The following MGAT4C variants were observed in gnomAD, a reference collection of about 807,000 sequenced individuals.
MGAT4C encodes alpha-1,3-mannosyl-glycoprotein 4-beta-N-acetylglucosaminyltransferase C.
A neutral mutation model predicts 40.1 loss-of-function variants in MGAT4C; 19 were observed. The observed-to-expected ratio is 0.47, with a 90% CI of 0.33 to 0.70. The LOEUF (loss-of-function observed/expected upper bound fraction) is 0.70, where lower values mean the gene tolerates loss of function less well. Among genes scored for constraint, MGAT4C ranks in the 30% least tolerant of loss-of-function variants. The pLI, the probability that MGAT4C is intolerant of heterozygous loss-of-function variation, is 0.02. For missense variants in MGAT4C, 491 were observed against 563.2 expected, an observed-to-expected ratio of 0.87 and a Z score of 1.30; for synonymous variants, 181 against 187.1, an observed-to-expected ratio of 0.97 and a Z score of 0.27.
At chr12:86,790,864 A>G (rs772600902) in intron 1 of MGAT4C, among the ~76,000 whole-genome samples, 2 of 152,114 alleles carry the variant, frequency 1.3e-5, no homozygotes, top group Non-Finnish European at 2.9e-5. Flanking sequence ...GGGCATCCCT[A>G]TTTTTAAACA....
chr12:86,667,374 T>C (rs1175909597), intron 2 of MGAT4C, among the ~76,000 whole-genome samples: 1 of 152,180 alleles, frequency 6.6e-6, no homozygotes, highest in African/African-American at 2.4e-5. Context: ...GTTTCAGTTT[T>C]AATTTCGAGA....
At chr12:86,562,834 A>G (rs1412657172) in intron 2 of MGAT4C, among the ~76,000 whole-genome samples, 1 of 152,164 alleles carries the variant, frequency 6.6e-6, no homozygotes, top group Non-Finnish European at 1.5e-5. Flanking sequence ...GTTGCATCAA[A>G]TTGAATTTAT....
chr12:86,762,129 G>A (rs1471965205), intron 1 of MGAT4C, among the ~76,000 whole-genome samples: 1 of 151,334 alleles, frequency 6.6e-6, no homozygotes, highest in Non-Finnish European at 1.5e-5. Context: ...ATGGCTCACT[G>A]CAGTCTTAAC....
intron 2 of MGAT4C, among the ~76,000 whole-genome samples, chr12:86,674,414 T>G (rs145611978): frequency 2.6e-5 from 4 of 152,134 alleles, no homozygotes; most frequent in Non-Finnish European, 5.9e-5. Context: ...CAATACAGAC[T>G]TTTTCAGGGA....
chr12:86,434,240 T>C (rs1412464014), intron 3 of MGAT4C, among the ~76,000 whole-genome samples: 1 of 151,996 alleles, frequency 6.6e-6, no homozygotes, highest in African/African-American at 2.4e-5. Context: ...TAAAGTCTTT[T>C]TGATATTTAT....
intron 2 of MGAT4C, among the ~76,000 whole-genome samples, chr12:86,573,320 T>A (rs975785668): frequency 6.6e-6 from 1 of 151,998 alleles, no homozygotes; most frequent in East Asian, 1.9e-4. Flanking sequence ...GCAATTGAAC[T>A]AAAGGGGTTA....
intron 2 of MGAT4C, among the ~76,000 whole-genome samples, chr12:86,622,522 G>T (rs763836039): frequency 1.3e-5 from 2 of 152,050 alleles, no homozygotes; most frequent in South Asian, 2.1e-4. Flanking sequence ...AATTGAGGGA[G>T]CACCAGGTAA....
At position 85,972,326 on chromosome 12, in the gene MGAT4C, ACTT is replaced by A. The variant is rs768343591; in HGVS notation, c.*6960_*6962del. ...AAAATGGACAACTTATTTATTATGT[ACTT>A]CTACACACAGCTAAGCTTATAGATA... is the stretch of plus-strand genomic sequence containing the variant. On this transcript the variant is annotated 3_prime_UTR_variant, in exon 5 of 5. Transcript: ENST00000611864. 3 of 151,152 alleles carry A rather than the reference ACTT, an allele frequency of 2.0e-5. No homozygotes were observed. Among genetic ancestry groups the A allele is most frequent in the Non-Finnish European group, 4.5e-5 (3 of 67,304 alleles). The allele number at this position is 151,152 out of a possible 1,614,324, so 9.4% of individuals were successfully genotyped here. A position where few individuals can be genotyped will look rare whatever the true frequency, so the allele number is the denominator to read the frequency against.
intron 2 of MGAT4C, among the ~76,000 whole-genome samples, chr12:86,514,256 T>A (rs186655723): frequency 6.6e-6 from 1 of 152,302 alleles, no homozygotes; most frequent in Non-Finnish European, 1.5e-5. Flanking sequence ...CAGAATTAGT[T>A]CAGTAAAGTC....
At chr12:86,593,002 G>T (rs1961391265) in intron 2 of MGAT4C, among the ~76,000 whole-genome samples, 1 of 151,844 alleles carries the variant, frequency 6.6e-6, no homozygotes, top group South Asian at 2.1e-4. Context: ...ACTTAATATT[G>T]GCACTGTTTA....
At chr12:86,625,553 T>C (rs2136495378) in intron 2 of MGAT4C, among the ~76,000 whole-genome samples, 1 of 152,132 alleles carries the variant, frequency 6.6e-6, no homozygotes, top group African/African-American at 2.4e-5. Context: ...GATAGGTCAG[T>C]TGAGATGAAA....
At chr12:86,045,196 C>T (rs1892266479) in intron 2 of MGAT4C, among the ~76,000 whole-genome samples, 2 of 152,238 alleles carry the variant, frequency 1.3e-5, no homozygotes, top group African/African-American at 4.8e-5. Context: ...TGTGTCTGGT[C>T]AGGCATCTTA....
intron 4 of MGAT4C, among the ~76,000 whole-genome samples, chr12:86,278,468 C>T (rs946362960): frequency 6.6e-5 from 10 of 152,068 alleles, no homozygotes; most frequent in African/African-American, 2.2e-4. Context: ...CGTGAGCCAC[C>T]ATGCCCATCT....
At chr12:86,415,343 A>G (rs1956687418) in intron 3 of MGAT4C, among the ~76,000 whole-genome samples, 1 of 152,036 alleles carries the variant, frequency 6.6e-6, no homozygotes, top group Non-Finnish European at 1.5e-5. Flanking sequence ...TAATAATGGT[A>G]TGCTAGACCC....
intron 2 of MGAT4C, among the ~76,000 whole-genome samples, chr12:86,544,826 C>T (rs1959184829): frequency 6.6e-6 from 1 of 151,866 alleles, no homozygotes; most frequent in South Asian, 2.1e-4. Context: ...TGAATTGTAG[C>T]ATGTAGTCAG....
chr12:86,716,473 A>C (rs563423557), intron 2 of MGAT4C, among the ~76,000 whole-genome samples: 1 of 152,252 alleles, frequency 6.6e-6, no homozygotes, highest in South Asian at 2.1e-4. Flanking sequence ...CCTTGCAAAA[A>C]AGATAGTAAC....
At chr12:86,544,785 C>T (rs1043302021) in intron 2 of MGAT4C, among the ~76,000 whole-genome samples, 2 of 151,966 alleles carry the variant, frequency 1.3e-5, no homozygotes, top group African/African-American at 4.8e-5. Flanking sequence ...ATGCTTATTT[C>T]CTGGAACTTA....
At chr12:86,074,337 T>TG (rs1555218346) in intron 1 of MGAT4C, among the ~76,000 whole-genome samples, 5 of 149,028 alleles carry the variant, frequency 3.4e-5, no homozygotes, top group African/African-American at 1.2e-4. Context: ...TTAATAAACA[T>TG]ATAGATAGAT....
intron 2 of MGAT4C, among the ~76,000 whole-genome samples, chr12:86,047,699 G>T (rs997532717): frequency 1.3e-5 from 2 of 152,004 alleles, no homozygotes; most frequent in Non-Finnish European, 2.9e-5. Context: ...CCTGAGTGCT[G>T]CCTGGAGAAA....
Sources: allele counts gnomAD v4.1 joint callset (sites outside exome capture counted in the v4.1 genomes callset), GRCh38; gene constraint gnomAD v4.1.1; transcripts MANE v1.5; gene names NCBI Gene and HGNC (gene_info 2026-07-23, HGNC 2026-07-21).